The following CAMK2D variants were observed in gnomAD, a reference collection of about 807,000 sequenced individuals.
CAMK2D encodes the protein calcium/calmodulin dependent protein kinase II delta.
A neutral mutation model predicts 84.0 loss-of-function variants in CAMK2D; 37 were observed. That is an observed-to-expected ratio of 0.44 (90% CI 0.34 to 0.58). The LOEUF is 0.58. CAMK2D is among the 20% of genes least tolerant of loss of function. CAMK2D has a pLI of 0.02. For synonymous variants in CAMK2D, 202 were observed against 212.5 expected, an observed-to-expected ratio of 0.95 and a Z score of 0.43; for missense variants, 448 against 652.5, an observed-to-expected ratio of 0.69 and a Z score of 3.41.
rs75517124 is a variant in CAMK2D, at chr4:113,559,060, C to T, written c.276-6964G>A. 6.8e-3 allele frequency among the ~76,000 whole-genome samples: 1,026 copies of T among 151,892 alleles called. 12 individuals are homozygous for T. Among genetic ancestry groups the T allele is most frequent in the African/African-American group, 0.024 (983 of 41,402 alleles). On this transcript the variant is annotated intron_variant, in intron 4 of 20. Coordinates refer to ENST00000511664, the MANE Select transcript of CAMK2D (RefSeq NM_001321571.2). The stretch of plus-strand genomic sequence containing the variant: ...TTACTAACATGTCATGCATTTCAAA[C>T]GTTATCTGACCTATATACTCTACTG...
chr4:113,554,651 A>G (rs1270689887), intron 4 of CAMK2D, among the ~76,000 whole-genome samples: 1 of 152,144 alleles, frequency 6.6e-6, no homozygotes, highest in Non-Finnish European at 1.5e-5. Context: ...ATAGAATTCA[A>G]TGTCTTGAAG....
intron 3 of CAMK2D, among the ~76,000 whole-genome samples, chr4:113,638,163 A>G (rs1387929424): frequency 6.6e-6 from 1 of 152,214 alleles, no homozygotes; most frequent in Non-Finnish European, 1.5e-5. Context: ...CATGCATAAT[A>G]TGAAGAAGCT....
Position 113,552,115 on chromosome 4 carries a change from T to A in CAMK2D, c.276-19A>T, listed in dbSNP as rs2098633308. Reference sequence around the variant, plus strand: ...AGTAACTCTGGGAAGATAAAAAACATAATCACTTTTAAAAAGAAGCAAAAA... The same window carrying A: ...AGTAACTCTGGGAAGATAAAAAACAAAATCACTTTTAAAAAGAAGCAAAAA... On this transcript the variant is annotated intron_variant, in intron 4 of 20. Coordinates refer to ENST00000511664, the MANE Select transcript of CAMK2D (RefSeq NM_001321571.2). 6.9e-7 allele frequency: 1 copy of A among 1,443,508 alleles called. No homozygotes were observed. Among genetic ancestry groups the A allele is most frequent in the South Asian group, 1.2e-5 (1 of 83,872 alleles). 89.4% of individuals were successfully genotyped at this position (1,443,508 alleles called of 1,614,324 possible). A position where few individuals can be genotyped will look rare whatever the true frequency, so the allele number is the denominator to read the frequency against.
chr4:113,457,483 T>C lies in CAMK2D; in HGVS notation c.1387A>G (p.Ile463Val), dbSNP rs1384271133. ...VHLVGDDAAC[I>V]AYIRLTQYMD... ...TACTGTGTGAGCCTAATATATGCTATGCAGGCGGCATCATCCCCTACCAGA... is the reference window on the plus strand; with the variant it reads ...TACTGTGTGAGCCTAATATATGCTACGCAGGCGGCATCATCCCCTACCAGA... Residue 463 changes from isoleucine (I) to valine (V), a missense_variant, in exon 19 of 21, where the codon ATA (isoleucine) becomes GTA (valine). Coordinates refer to ENST00000511664, the MANE Select transcript of CAMK2D (RefSeq NM_001321571.2). 4 of 1,613,706 alleles carry C rather than the reference T, an allele frequency of 2.5e-6. No homozygotes were observed. Among genetic ancestry groups the C allele is most frequent in the Non-Finnish European group, 1.7e-6 (2 of 1,179,630 alleles).
intron 2 of CAMK2D, among the ~76,000 whole-genome samples, chr4:113,698,379 G>A (rs1224669007): frequency 6.6e-6 from 1 of 151,884 alleles, no homozygotes; most frequent in African/African-American, 2.4e-5. Flanking sequence ...ATCTCTCTGT[G>A]CCTCAAATTC....
intron 2 of CAMK2D, chr4:113,755,067 A>C (rs1381039984): frequency 1.0e-6 from 1 of 984,720 alleles, no homozygotes; most frequent in Non-Finnish European, 1.2e-6. Context: ...TGAAGTTGAG[A>C]AATTACAGTA....
intron 6 of CAMK2D, 139 bp from the exon 7 acceptor site, chr4:113,537,582 C>T (rs2098502246): frequency 6.5e-6 from 4 of 616,776 alleles, no homozygotes; most frequent in Non-Finnish European, 1.1e-5. Context: ...ATTCCTAAAT[C>T]CCAGGGAAAA....
intron 16 of CAMK2D, among the ~76,000 whole-genome samples, chr4:113,482,710 T>C (rs1300661959): frequency 3.3e-5 from 5 of 152,248 alleles, no homozygotes; most frequent in Admixed American, 2.6e-4. Context: ...TTGGAAATGT[T>C]CAGAACTCAT....
chr4:113,478,119 CTG>C (rs1269525508), intron 16 of CAMK2D, among the ~76,000 whole-genome samples: 2 of 151,864 alleles, frequency 1.3e-5, no homozygotes, highest in African/African-American at 2.4e-5. Flanking sequence ...TAAAAAAAAA[CTG>C]GAGATAACAT....
intron 3 of CAMK2D, among the ~76,000 whole-genome samples, chr4:113,660,828 T>C (rs1414456693): frequency 1.4e-5 from 2 of 144,778 alleles, no homozygotes; most frequent in Non-Finnish European, 3.0e-5. Context: ...AGAGTCTCGC[T>C]CTCTCGTCCC....
At chr4:113,746,512 T>A (rs929013260) in intron 2 of CAMK2D, among the ~76,000 whole-genome samples, 3 of 152,128 alleles carry the variant, frequency 2.0e-5, no homozygotes, top group Admixed American at 6.5e-5. Context: ...ACCCAATAAT[T>A]GGTTCTCTGT....
At chr4:113,559,123 A>G (rs1301389309) in intron 4 of CAMK2D, among the ~76,000 whole-genome samples, 1 of 152,180 alleles carries the variant, frequency 6.6e-6, no homozygotes, top group Non-Finnish European at 1.5e-5. Context: ...ATCGCTGTAT[A>G]TGGTTTTGCA....
chr4:113,589,066 C>T (rs2098846925), intron 4 of CAMK2D, among the ~76,000 whole-genome samples: 2 of 152,120 alleles, frequency 1.3e-5, no homozygotes, highest in South Asian at 2.1e-4. Context: ...AGTGCAAATA[C>T]CTTGAGCTGC....
intron 2 of CAMK2D, among the ~76,000 whole-genome samples, chr4:113,677,357 C>A (rs1437073032): frequency 1.3e-5 from 2 of 151,940 alleles, no homozygotes; most frequent in Non-Finnish European, 2.9e-5. Context: ...TTTGTTTCAC[C>A]ATTTTATACC....
At chr4:113,637,130 T>C (rs555373652) in intron 3 of CAMK2D, among the ~76,000 whole-genome samples, 3 of 152,192 alleles carry the variant, frequency 2.0e-5, no homozygotes, top group Non-Finnish European at 2.9e-5. Flanking sequence ...AGGCTTTTTT[T>C]ATTTGTTTAT....
intron 4 of CAMK2D, among the ~76,000 whole-genome samples, chr4:113,591,425 C>CTTTAATTACTCTCTAAACTTTCCACTTTT (rs1177721558): frequency 6.6e-6 from 1 of 152,100 alleles, no homozygotes; most frequent in Non-Finnish European, 1.5e-5. Context: ...ACTTTTACCC[C>CTTTAATTACTCTCTAAACTTTCCACTTTT]TTTAATTACT....
chr4:113,499,631 T>A (rs2098002331), intron 16 of CAMK2D, among the ~76,000 whole-genome samples: 1 of 152,196 alleles, frequency 6.6e-6, no homozygotes, highest in Non-Finnish European at 1.5e-5. Flanking sequence ...AATTTATGGA[T>A]CATTGCTCCC....
At chr4:113,628,012 T>G (rs1383939849) in intron 3 of CAMK2D, among the ~76,000 whole-genome samples, 1 of 152,202 alleles carries the variant, frequency 6.6e-6, no homozygotes, top group African/African-American at 2.4e-5. Flanking sequence ...CTCTTAGCCC[T>G]TTAATTATAT....
intron 2 of CAMK2D, among the ~76,000 whole-genome samples, chr4:113,680,305 G>A (rs916420856): frequency 1.3e-5 from 2 of 152,166 alleles, no homozygotes; most frequent in African/African-American, 2.4e-5. Flanking sequence ...CAAATCCAAT[G>A]TCTCAAACCA....
Sources: gnomAD v4.1 joint callset for allele counts (sites outside exome capture counted in the v4.1 genomes callset) on GRCh38, gnomAD v4.1.1 for gene constraint, MANE v1.5 for transcripts, NCBI Gene and HGNC (gene_info 2026-07-23, HGNC 2026-07-21) for gene names.